Variants in OR5T1 observed in about 807,000 individuals in gnomAD.
OR5T1 encodes olfactory receptor 5T1.
Under a neutral mutation model 10.1 loss-of-function variants are expected in OR5T1, and 14 were observed. That is an observed-to-expected ratio of 1.39 (90% CI 0.92 to 2.18). The LOEUF is 2.18. Among genes scored for constraint, OR5T1 ranks in the 30% most tolerant of loss-of-function variants. OR5T1 has a pLI of 0.00. For synonymous variants in OR5T1, 166 were observed against 141.2 expected (o/e 1.18, Z -1.24); for missense variants, 461 against 383.9 (o/e 1.20, Z -1.68).
chr11:56,276,382 A>T lies in OR5T1; in HGVS notation c.744A>T (p.Lys248Asn). Residue 248 changes from lysine (K) to asparagine (N), a missense_variant, in exon 3 of 3, where the codon AAA (lysine) becomes AAT (asparagine). Transcript: ENST00000641665. ...LKMQSAEGRR[K>N]VFSTCGAHLT... ...TGCAGTCTGCTGAAGGGAGGAGAAA[A>T]GTCTTCTCTACATGTGGAGCTCACC... is the stretch of plus-strand genomic sequence containing the variant. 8 of 1,614,080 alleles carry T rather than the reference A, an allele frequency of 5.0e-6. No homozygotes were observed. Among genetic ancestry groups the T allele is most frequent in the Non-Finnish European group, 5.9e-6 (7 of 1,179,992 alleles).
At position 56,276,562 on chromosome 11, in the gene OR5T1, T is replaced by A; in HGVS notation, c.924T>A (p.Asp308Glu). The A allele has an allele frequency of 6.2e-7, 1 of 1,612,952 alleles. No homozygotes were observed. Among genetic ancestry groups the A allele is most frequent in the Non-Finnish European group, 8.5e-7 (1 of 1,179,342 alleles). ...NPIIYSLRNK[D>E]VKEAIKRLLV... ...TCATCTACAGTTTGCGGAACAAAGA[T>A]GTAAAGGAGGCAATCAAAAGATTGC... Residue 308 changes from aspartate to glutamate, a missense_variant, in exon 3 of 3, where the codon GAT becomes GAA. Coordinates refer to ENST00000641665, the MANE Select transcript of OR5T1 (RefSeq NM_001004745.2).
rs1405886164 is a variant in OR5T1, at chr11:56,276,710, T to A, written c.*91T>A. 5.8e-5 allele frequency: 50 copies of A among 868,204 alleles called. No homozygotes were observed. Among genetic ancestry groups the A allele is most frequent in the Non-Finnish European group, 8.2e-5 (46 of 562,378 alleles). 53.8% of individuals were successfully genotyped at this position (868,204 alleles called of 1,614,324 possible). A position where few individuals can be genotyped will look rare whatever the true frequency, so the allele number is the denominator to read the frequency against. On this transcript the variant is annotated 3_prime_UTR_variant, in exon 3 of 3. Transcript: ENST00000641665. ...AGAGAAGAAAATGTGTTTCTTTTAG[T>A]TAACAGTGCTTGTAACTTCTAGAAT...
At position 56,275,960 on chromosome 11, in the gene OR5T1, G is replaced by A. The variant is rs773706326; in HGVS notation, c.322G>A (p.Gly108Arg). 2.9e-5 allele frequency: 46 copies of A among 1,614,014 alleles called. No homozygotes were observed. Among genetic ancestry groups the A allele is most frequent in the Non-Finnish European group, 3.5e-5 (41 of 1,180,036 alleles). Residue 108 changes from glycine to arginine, a missense_variant, in exon 3 of 3, where the codon GGA (glycine) becomes AGA (arginine). Transcript: ENST00000641665. ...LAKNKSISFL[G>R]CATQMFLACT... Reference sequence around the variant, plus strand: ...AAAAAATAAATCTATTTCATTTCTTGGATGTGCAACACAGATGTTTCTTGC... The same window carrying A: ...AAAAAATAAATCTATTTCATTTCTTAGATGTGCAACACAGATGTTTCTTGC...
rs928593403 is a variant in OR5T1, at chr11:56,275,688, A to G, written c.50A>G (p.Asn17Ser). The G allele has an allele frequency of 1.9e-6, 3 of 1,606,504 alleles. No individual in the cohort carries two copies. The highest frequency in any genetic ancestry group is 3.4e-5 in the Admixed American group (2 of 59,354). ...DMDLYKLQLN[N>S]FTEVTMFILI... ...GATCTATACAAGCTTCAATTAAACA[A>G]TTTTACTGAAGTCACCATGTTTATA... The change falls in exon 3 of 3, where the codon AAT becomes AGT. Residue 17 changes from asparagine (N) to serine (S), a missense_variant. Asn to Ser is a conservative substitution (Grantham distance 46, BLOSUM62 1). Transcript: ENST00000641665.
In OR5T1 at chr11:56,276,249, C is replaced by G; in HGVS notation, c.611C>G (p.Thr204Ser). 1 of 1,614,144 alleles carries G rather than the reference C, an allele frequency of 6.2e-7. No homozygotes were observed. The highest frequency in any genetic ancestry group is 1.1e-5 in the South Asian group (1 of 91,084). The change falls in exon 3 of 3, where the codon ACT (threonine) becomes AGT (serine). Residue 204 changes from threonine (T) to serine (S), a missense_variant. Thr to Ser is a moderately conservative substitution (Grantham distance 58, BLOSUM62 1). Transcript: ENST00000641665. ...CTGCTTGCTATTTCTTGTTCTGACA[C>G]TCACGTAATCCAGCTTCTATTCTTC... ...PPLLAISCSDTHVIQLLFFYF... is the reference protein window; with the variant it reads ...PPLLAISCSDSHVIQLLFFYF...
chr11:56,274,285 T>C (rs1383183673), intron 1 of OR5T1, 113 bp downstream of exon 1: 1 of 152,216 alleles, frequency 6.6e-6, no homozygotes, highest in Non-Finnish European at 1.5e-5. Flanking sequence ...TTCTGTTTAA[T>C]GTGAAGCTGT....
In OR5T1 at chr11:56,276,552, G is replaced by A. The variant is rs143790336; in HGVS notation, c.914G>A (p.Arg305Gln). The A allele has an allele frequency of 7.8e-5, 126 of 1,612,946 alleles. No homozygotes were observed. Among genetic ancestry groups the A allele is most frequent in the African/African-American group, 5.2e-4 (39 of 74,850 alleles). Residue 305 changes from arginine (R) to glutamine (Q), a missense_variant, in exon 3 of 3, where the codon CGG becomes CAG. Arg to Gln is a conservative substitution (Grantham distance 43, BLOSUM62 1). Transcript: ENST00000641665. Reference protein sequence around the residue: ...PMLNPIIYSLRNKDVKEAIKR... With the variant: ...PMLNPIIYSLQNKDVKEAIKR... ...CTGAATCCCATCATCTACAGTTTGC[G>A]GAACAAAGATGTAAAGGAGGCAATC...
chr11:56,275,845 C>A lies in OR5T1; in HGVS notation c.207C>A (p.Ser69Arg). The A allele has an allele frequency of 6.2e-7, 1 of 1,614,002 alleles. No individual in the cohort carries two copies. The highest frequency in any genetic ancestry group is 8.5e-7 in the Non-Finnish European group (1 of 1,179,900). Residue 69 changes from serine to arginine, a missense_variant, in exon 3 of 3, where the codon AGC (serine) becomes AGA (arginine). Transcript: ENST00000641665. ...VPIIGDFWLH[S>R]PMYYFLGVLS... ...TCATTGGGGATTTCTGGCTTCACAG[C>A]CCAATGTACTATTTTCTTGGTGTTT...
chr11:56,275,795 G>A lies in OR5T1; in HGVS notation c.157G>A (p.Gly53Ser), dbSNP rs1206419224. The change falls in exon 3 of 3, where the codon GGC becomes AGC. Residue 53 changes from glycine to serine, a missense_variant. Coordinates refer to ENST00000641665, the MANE Select transcript of OR5T1 (RefSeq NM_001004745.2). ...FLAIYLFTLI[G>S]NLGLVVPIIG... ...AGCAATCTATCTATTCACTCTAATAGGCAATTTAGGGCTGGTTGTACCGAT... is the reference window on the plus strand; with the variant it reads ...AGCAATCTATCTATTCACTCTAATAAGCAATTTAGGGCTGGTTGTACCGAT... 3.1e-6 allele frequency: 5 copies of A among 1,612,898 alleles called. No homozygotes were observed. The highest frequency in any genetic ancestry group is 4.2e-6 in the Non-Finnish European group (5 of 1,179,126).
chr11:56,276,224 C>G lies in OR5T1; in HGVS notation c.586C>G (p.Leu196Val), dbSNP rs768903111. Reference sequence around the variant, plus strand: ...GCATGTCTTTTGTAATATGCCTCCTCTGCTTGCTATTTCTTGTTCTGACAC... The same window carrying G: ...GCATGTCTTTTGTAATATGCCTCCTGTGCTTGCTATTTCTTGTTCTGACAC... ...IRHVFCNMPPLLAISCSDTHV... is the reference protein window; with the variant it reads ...IRHVFCNMPPVLAISCSDTHV... The change falls in exon 3 of 3, where the codon CTG (leucine) becomes GTG (valine). Residue 196 changes from leucine to valine, a missense_variant. Transcript: ENST00000641665. 1.9e-5 allele frequency: 30 copies of G among 1,613,938 alleles called. 1 individual carries two copies. In the Admixed American group the frequency reaches 5.0e-4, roughly 27 times the overall value.
In OR5T1 at chr11:56,276,110, AC is replaced by A; in HGVS notation, c.473del (p.Thr158MetfsTer49). ...ACCCAGAGTCTATGTGCCACTCATC[AC>A]TGCTTCCTATGTTGCTAGCATTTTA... ...MSPRVYVPLI[T>X]ASYVASILHA... is the part of the protein sequence containing the mutation. On this transcript the variant is annotated frameshift_variant, in exon 3 of 3. Transcript: ENST00000641665. LOFTEE classifies it high-confidence loss of function. The A allele has an allele frequency of 6.2e-7, 1 of 1,614,096 alleles. No homozygotes were observed. The highest frequency in any genetic ancestry group is 8.5e-7 in the Non-Finnish European group (1 of 1,180,022).
chr11:56,274,930 T>A (rs1853916991), intron 2 of OR5T1, among the ~76,000 whole-genome samples, 177 bp downstream of exon 2: 1 of 152,196 alleles, frequency 6.6e-6, no homozygotes. Context: ...CCCATTTAAA[T>A]ACAACCCACT....
intron 1 of OR5T1, among the ~76,000 whole-genome samples, chr11:56,274,380 A>T: frequency 6.6e-6 from 1 of 152,284 alleles, no homozygotes; most frequent in Non-Finnish European, 1.5e-5. Flanking sequence ...AAATAATTGT[A>T]TTACTTGTTA....
rs1853936611 is a variant in OR5T1 at position 56,276,077 on chromosome 11, A to C, written c.439A>C (p.Ser147Arg). 1 of 1,614,168 alleles carries C rather than the reference A, an allele frequency of 6.2e-7. No homozygotes were observed. The highest frequency in any genetic ancestry group is 8.5e-7 in the Non-Finnish European group (1 of 1,180,042). Residue 147 changes from serine (S) to arginine (R), a missense_variant, in exon 3 of 3, where the codon AGC becomes CGC. By Grantham distance (110) the Ser-to-Arg change is moderately radical (BLOSUM62 -1). Coordinates refer to ENST00000641665, the MANE Select transcript of OR5T1 (RefSeq NM_001004745.2). ...CTACAACCCTCTCCTGTATTCAGTG[A>C]GCATGTCACCCAGAGTCTATGTGCC... The part of the protein sequence containing the change: ...AIYNPLLYSV[S>R]MSPRVYVPLI...
At position 56,275,721 on chromosome 11, in the gene OR5T1, G is replaced by A; in HGVS notation, c.83G>A (p.Ser28Asn). The A allele has an allele frequency of 1.2e-6, 2 of 1,609,828 alleles. No homozygotes were observed. Among genetic ancestry groups the A allele is most frequent in the Non-Finnish European group, 8.5e-7 (1 of 1,176,456 alleles). The change falls in exon 3 of 3, where the codon AGC (serine) becomes AAC (asparagine). Residue 28 changes from serine (S) to asparagine (N), a missense_variant. Transcript: ENST00000641665. ...FTEVTMFILI[S>N]FTEEFDVQVF... ...GAAGTCACCATGTTTATATTAATAAGCTTCACAGAAGAATTTGATGTGCAA... is the reference window on the plus strand; with the variant it reads ...GAAGTCACCATGTTTATATTAATAAACTTCACAGAAGAATTTGATGTGCAA...
At position 56,275,515 on chromosome 11, in the gene OR5T1, A is replaced by G; in HGVS notation, c.-124A>G. 1 of 680,078 alleles carries G rather than the reference A, an allele frequency of 1.5e-6. No individual in the cohort carries two copies. Among genetic ancestry groups the G allele is most frequent in the Non-Finnish European group, 2.5e-6 (1 of 403,670 alleles). 42.1% of individuals were successfully genotyped at this position (680,078 alleles called of 1,614,324 possible). Reference sequence around the variant, plus strand: ...GTATCCACTTGGACCCAATTTTATCACCACCTGTGCATTTGCTGACAAGGA... The same window carrying G: ...GTATCCACTTGGACCCAATTTTATCGCCACCTGTGCATTTGCTGACAAGGA... On this transcript the variant is annotated 5_prime_UTR_variant, in exon 3 of 3. Coordinates refer to ENST00000641665, the MANE Select transcript of OR5T1 (RefSeq NM_001004745.2).
In OR5T1 at chr11:56,276,344, G is replaced by C. The variant is rs146671193; in HGVS notation, c.706G>C (p.Ala236Pro). 6.2e-7 allele frequency: 1 copy of C among 1,613,930 alleles called. No homozygotes were observed. The highest frequency in any genetic ancestry group is 8.5e-7 in the Non-Finnish European group (1 of 1,180,010). ...GATCTCCTATGGTTTTATTCTGTTG[G>C]CCATTCTGAAGATGCAGTCTGCTGA... ...VLISYGFILL[A>P]ILKMQSAEGR... The change falls in exon 3 of 3, where the codon GCC (alanine) becomes CCC (proline). Residue 236 changes from alanine to proline, a missense_variant. Ala to Pro is a conservative substitution (Grantham distance 27). Transcript: ENST00000641665.
chr11:56,275,245 G>A (rs113259266), intron 2 of OR5T1, among the ~76,000 whole-genome samples: 156 of 152,152 alleles, frequency 1.0e-3, no homozygotes, highest in African/African-American at 3.2e-3. Context: ...GGTATTTCTC[G>A]TAACGTTATC....
In OR5T1 at chr11:56,276,598, T is replaced by C. The variant is rs1328876813; in HGVS notation, c.960T>C (p.Asn320=). ...KEAIKRLLVR[N]WFINKL Reference sequence around the variant, plus strand: ...CAATCAAAAGATTGCTTGTGAGAAATTGGTTCATAAATAAGTTATAGTTTT... The same window carrying C: ...CAATCAAAAGATTGCTTGTGAGAAACTGGTTCATAAATAAGTTATAGTTTT... The change falls in exon 3 of 3, where the codon AAT becomes AAC. Residue 320 remains asparagine, a synonymous_variant. Coordinates refer to ENST00000641665, the MANE Select transcript of OR5T1 (RefSeq NM_001004745.2). 1.9e-6 allele frequency: 3 copies of C among 1,609,740 alleles called. No homozygotes were observed. The highest frequency in any genetic ancestry group is 2.5e-6 in the Non-Finnish European group (3 of 1,177,694).
Sources: allele counts gnomAD v4.1 joint callset (sites outside exome capture counted in the v4.1 genomes callset), GRCh38; gene constraint gnomAD v4.1.1; transcripts MANE v1.5; gene names NCBI Gene and HGNC (gene_info 2026-07-23, HGNC 2026-07-21).